RUFY1: variants seen among roughly 807,000 people sequenced by gnomAD.
The protein encoded by RUFY1 is RUN and FYVE domain-containing protein 1.
Under a neutral mutation model 94.6 loss-of-function variants are expected in RUFY1, and 54 were observed. The observed-to-expected ratio is 0.57, with a 90% confidence interval of 0.46 to 0.72. RUFY1 has a LOEUF of 0.72. RUFY1 is among the 30% of genes least tolerant of loss of function. RUFY1 has a pLI of 0.00. For missense variants in RUFY1, 883 were observed against 883.9 expected (o/e 1.00, Z 0.01); for synonymous variants, 396 against 347.3 (o/e 1.14, Z -1.56).
intron 10 of RUFY1, among the ~76,000 whole-genome samples, chr5:179,592,487 C>T (rs1483197848): frequency 1.3e-5 from 2 of 152,050 alleles, no homozygotes; most frequent in African/African-American, 4.8e-5. Flanking sequence ...CTCCTGACCT[C>T]GTGATCCACC....
intron 10 of RUFY1, among the ~76,000 whole-genome samples, chr5:179,592,062 A>G (rs575745547): frequency 6.6e-5 from 10 of 151,990 alleles, no homozygotes; most frequent in African/African-American, 1.7e-4. Flanking sequence ...TCTCTGCCTC[A>G]GCCTCCCGAG....
chr5:179,574,848 T>C (rs1192411703), intron 5 of RUFY1, among the ~76,000 whole-genome samples: 2 of 152,214 alleles, frequency 1.3e-5, no homozygotes, highest in Non-Finnish European at 2.9e-5. Context: ...CTTTATTTGC[T>C]TTCTAATCCA....
chr5:179,592,111 A>AT lies in RUFY1; in HGVS notation c.1245+376dup, dbSNP rs1174168071. Among the ~76,000 whole-genome samples the AT allele has an allele frequency of 3.3e-5, 5 of 150,854 alleles. No homozygotes were observed. In the East Asian group the frequency reaches 5.9e-4, roughly 18 times the overall value. ...AGGCACCCGCCACCACACCCGGCTA[A>AT]TTTTTTGGTTTTTGGTTTTTTTTTT... On this transcript the variant is annotated intron_variant, in intron 10 of 17. Coordinates refer to ENST00000319449, the MANE Select transcript of RUFY1 (RefSeq NM_025158.5).
intron 8 of RUFY1, among the ~76,000 whole-genome samples, chr5:179,588,071 T>C (rs565769763): frequency 6.6e-6 from 1 of 152,098 alleles, no homozygotes; most frequent in African/African-American, 2.4e-5. Context: ...CTCCAGAGAG[T>C]GGAATGGGAA....
chr5:179,553,142 G>T (rs541268536), intron 1 of RUFY1, among the ~76,000 whole-genome samples: 2 of 152,224 alleles, frequency 1.3e-5, no homozygotes, highest in African/African-American at 2.4e-5. Context: ...CTGCCCTGGG[G>T]CTTCTCCCTA....
intron 3 of RUFY1, among the ~76,000 whole-genome samples, chr5:179,563,977 G>A (rs1278888358): frequency 6.6e-6 from 1 of 151,576 alleles, no homozygotes; most frequent in Admixed American, 6.6e-5. Context: ...CGGCCTTAAT[G>A]ACCTTTTTCA....
At chr5:179,591,770 A>T in intron 10 of RUFY1, 29 bp downstream of exon 10, 1 of 1,303,622 alleles carries the variant, frequency 7.7e-7, no homozygotes. Flanking sequence ...GTGTCTTTAG[A>T]AAGAGTTTCC....
rs765482072 is a variant in RUFY1 at position 179,593,638 on chromosome 5, A to C, written c.1406A>C (p.Lys469Thr). ...VKAINLQMFH[K>T]AQNAESSLQQ... ...GCGATTAATTTACAGATGTTTCACA[A>C]AGCTCAGGTGGGAGTTGGCTTTGTG... The change falls in exon 11 of 18, where the codon AAA (lysine) becomes ACA (threonine). Residue 469 changes from lysine (K) to threonine (T), a missense_variant. Transcript: ENST00000319449. 5.6e-6 allele frequency: 9 copies of C among 1,613,838 alleles called. No individual in the cohort carries two copies. Among genetic ancestry groups the C allele is most frequent in the Non-Finnish European group, 7.6e-6 (9 of 1,179,804 alleles).
intron 2 of RUFY1, among the ~76,000 whole-genome samples, chr5:179,560,868 A>C (rs938746035): frequency 2.6e-5 from 4 of 152,304 alleles, no homozygotes; most frequent in African/African-American, 9.6e-5. Flanking sequence ...AATATATTTC[A>C]TGGAACCCGT....
chr5:179,585,692 C>A, intron 7 of RUFY1, 104 bp from the exon 8 acceptor site: 2 of 823,064 alleles, frequency 2.4e-6, no homozygotes, highest in South Asian at 1.5e-5. Context: ...CTCTGCCTTT[C>A]CATTTCATAC....
In RUFY1 at chr5:179,568,211, C is replaced by T. The variant is rs116775555; in HGVS notation, c.704+649C>T. ...AGTGAGCCAAGATCACACCACTGTACCTCCAGCCTGGGCAACAGAGCAAGA... is the reference window on the plus strand; with the variant it reads ...AGTGAGCCAAGATCACACCACTGTATCTCCAGCCTGGGCAACAGAGCAAGA... On this transcript the variant is annotated intron_variant, in intron 4 of 17. Coordinates refer to ENST00000319449, the MANE Select transcript of RUFY1 (RefSeq NM_025158.5). Among the ~76,000 whole-genome samples the T allele has an allele frequency of 4.6e-3, 701 of 151,052 alleles. 8 individuals are homozygous for T. Among genetic ancestry groups the T allele is most frequent in the African/African-American group, 0.016 (672 of 41,106 alleles).
intron 13 of RUFY1, chr5:179,597,034 A>C (rs1765726790): frequency 4.2e-6 from 1 of 237,532 alleles, no homozygotes; most frequent in African/African-American, 2.3e-5. Flanking sequence ...TGCAAGCTTC[A>C]TATAATTTTG....
chr5:179,569,776 G>A (rs190930776), intron 5 of RUFY1, among the ~76,000 whole-genome samples: 274 of 152,144 alleles, frequency 1.8e-3, no homozygotes, highest in African/African-American at 6.4e-3. Context: ...ACGGAGTCTC[G>A]TTGTGTCTCC....
At chr5:179,602,446 T>C (rs1434348203) in intron 15 of RUFY1, 2 of 159,176 alleles carry the variant, frequency 1.3e-5, no homozygotes, top group African/African-American at 4.8e-5. Context: ...TCTGTCTGTC[T>C]CTGCTGCAGG....
At chr5:179,571,369 GCTGT>G (rs1763212121) in intron 5 of RUFY1, among the ~76,000 whole-genome samples, 1 of 152,078 alleles carries the variant, frequency 6.6e-6, no homozygotes, top group African/African-American at 2.4e-5. Context: ...ATGGTGGCAT[GCTGT>G]CTGTCATCCC....
At chr5:179,580,923 T>C in intron 6 of RUFY1, 24 bp from the exon 7 acceptor site, 1 of 1,456,894 alleles carries the variant, frequency 6.9e-7, no homozygotes, top group Non-Finnish European at 9.5e-7. Context: ...AAAAAGTTCT[T>C]CCTTCTTATG....
chr5:179,569,966 G>T (rs999542965), intron 5 of RUFY1, among the ~76,000 whole-genome samples: 1 of 151,902 alleles, frequency 6.6e-6, no homozygotes, highest in Non-Finnish European at 1.5e-5. Context: ...GGATGGTTTC[G>T]ATCTCCTGAC....
At chr5:179,607,798 G>A (rs558970894) in intron 17 of RUFY1, 139 bp downstream of exon 17, 42 of 722,426 alleles carry the variant, frequency 5.8e-5, no homozygotes, top group East Asian at 4.3e-4. Context: ...GGGCAGCCCC[G>A]CCTCTCCTGT....
chr5:179,553,691 G>A (rs1761970303), intron 1 of RUFY1, among the ~76,000 whole-genome samples: 3 of 152,174 alleles, frequency 2.0e-5, no homozygotes, highest in African/African-American at 7.2e-5. Flanking sequence ...TCAGGAGGCT[G>A]AGGCAGGAGA....
Sources: allele counts gnomAD v4.1 joint callset (sites outside exome capture counted in the v4.1 genomes callset), GRCh38; gene constraint gnomAD v4.1.1; transcripts MANE v1.5; gene names NCBI Gene and HGNC (gene_info 2026-07-23, HGNC 2026-07-21).